The following CPED1 variants were observed in gnomAD, a reference collection of about 807,000 sequenced individuals.
CPED1 encodes cadherin-like and PC-esterase domain-containing protein 1.
CPED1 carries 114 observed loss-of-function variants against 128.2 expected under a neutral mutation model. The observed-to-expected ratio is 0.89, with a 90% CI of 0.76 to 1.04. CPED1 has a LOEUF of 1.04. Ranked by LOEUF, CPED1 falls within the 50% of genes least tolerant of loss-of-function variation. The pLI, the probability that CPED1 is intolerant of heterozygous loss-of-function variation, is 0.00. For missense variants in CPED1, 1,211 were observed against 1,207.1 expected, an observed-to-expected ratio of 1.00 and a Z score of -0.05; for synonymous variants, 462 against 426.7, an observed-to-expected ratio of 1.08 and a Z score of -1.02.
chr7:121,295,336 C>T, intron 22 of CPED1, 104 bp from the exon 23 acceptor site: 1 of 1,360,160 alleles, frequency 7.4e-7, no homozygotes, highest in East Asian at 2.5e-5. Flanking sequence ...GCCCTTTTAG[C>T]AACATCTGTG....
intron 16 of CPED1, among the ~76,000 whole-genome samples, chr7:121,235,487 G>A (rs1798231764): frequency 6.6e-6 from 1 of 152,092 alleles, no homozygotes; most frequent in Admixed American, 6.6e-5. Flanking sequence ...TAGGACAGTT[G>A]AGAATATGAG....
At chr7:121,007,014 G>T (rs1792033413) in intron 2 of CPED1, among the ~76,000 whole-genome samples, 1 of 152,122 alleles carries the variant, frequency 6.6e-6, no homozygotes, top group Non-Finnish European at 1.5e-5. Context: ...GCACAGGAAG[G>T]CTAGAAGTCA....
intron 6 of CPED1, among the ~76,000 whole-genome samples, chr7:121,098,572 A>AC (rs987674366): frequency 2.1e-4 from 32 of 151,368 alleles, no homozygotes; most frequent in Middle Eastern, 3.4e-3. Context: ...TCTATACAAA[A>AC]AATAGAAAAA....
intron 3 of CPED1, among the ~76,000 whole-genome samples, chr7:121,022,709 G>C (rs569672264): frequency 5.2e-4 from 79 of 151,956 alleles, no homozygotes; most frequent in Non-Finnish European, 1.0e-3. Flanking sequence ...GATGCTCTCT[G>C]GTAAAAGTAA....
intron 16 of CPED1, among the ~76,000 whole-genome samples, chr7:121,197,905 T>C (rs6944198): frequency 0.019 from 2,858 of 152,256 alleles, 96 homozygotes; most frequent in African/African-American, 0.065. Context: ...AGCTAGTAGA[T>C]GAAACCAAAT....
At chr7:121,185,673 C>T (rs59433557) in intron 16 of CPED1, among the ~76,000 whole-genome samples, 143 of 152,262 alleles carry the variant, frequency 9.4e-4, no homozygotes, top group African/African-American at 3.3e-3. Context: ...CACTATAATT[C>T]GGGAATGCAA....
At chr7:121,235,104 A>AT (rs754149573) in intron 16 of CPED1, among the ~76,000 whole-genome samples, 7 of 152,086 alleles carry the variant, frequency 4.6e-5, no homozygotes, top group Non-Finnish European at 8.8e-5. Flanking sequence ...ATATAAAAAT[A>AT]TTTTTGCAAA....
At chr7:121,022,886 C>T (rs368566380) in intron 3 of CPED1, among the ~76,000 whole-genome samples, 2 of 151,866 alleles carry the variant, frequency 1.3e-5, no homozygotes, top group East Asian at 1.9e-4. Flanking sequence ...TTTGAAAAAA[C>T]ATATATTATG....
At chr7:121,158,572 T>TA (rs1796342582) in intron 16 of CPED1, among the ~76,000 whole-genome samples, 1 of 152,090 alleles carries the variant, frequency 6.6e-6, no homozygotes, top group Non-Finnish European at 1.5e-5. Context: ...TCATCTTTTT[T>TA]TTTTTTTCTG....
intron 22 of CPED1, among the ~76,000 whole-genome samples, chr7:121,288,607 A>G (rs1792631591): frequency 6.6e-6 from 1 of 151,738 alleles, no homozygotes; most frequent in South Asian, 2.1e-4. Flanking sequence ...CCATTTATGA[A>G]TCACATTTAA....
rs1033044527 is a variant in CPED1 at position 121,241,382 on chromosome 7, A to G, written c.2174-2820A>G. On this transcript the variant is annotated intron_variant, in intron 17 of 22. Transcript: ENST00000310396. The stretch of plus-strand genomic sequence containing the variant: ...AAAAAAAAAAAAAAAAAAAAAAAAA[A>G]AAAGAAATTATAAAACAGAATTGGA... 1.3e-4 allele frequency among the ~76,000 whole-genome samples: 19 copies of G among 147,104 alleles called. 4 individuals are homozygous for G. The highest frequency in any genetic ancestry group is 4.8e-4 in the African/African-American group (19 of 39,914).
intron 5 of CPED1, among the ~76,000 whole-genome samples, chr7:121,071,332 T>A (rs939074998): frequency 1.3e-5 from 2 of 152,110 alleles, no homozygotes; most frequent in African/African-American, 4.8e-5. Context: ...TCACATGGTT[T>A]CCTATACTCC....
At chr7:121,034,353 T>C (rs1050722778) in intron 3 of CPED1, among the ~76,000 whole-genome samples, 1 of 146,868 alleles carries the variant, frequency 6.8e-6, no homozygotes, top group East Asian at 2.1e-4. Context: ...GTTCAAACGA[T>C]CCTCCTGCTT....
At chr7:121,198,124 G>C (rs1490108775) in intron 16 of CPED1, among the ~76,000 whole-genome samples, 1 of 152,114 alleles carries the variant, frequency 6.6e-6, no homozygotes, top group African/African-American at 2.4e-5. Flanking sequence ...GTTGGGGGTA[G>C]CAGTTATTAC....
intron 7 of CPED1, among the ~76,000 whole-genome samples, chr7:121,119,147 T>A (rs1795321826): frequency 6.6e-6 from 1 of 151,924 alleles, no homozygotes; most frequent in African/African-American, 2.4e-5. Context: ...TTTTTTTTTT[T>A]AACTTAGAGC....
At chr7:121,274,541 A>C (rs1327936881) in intron 22 of CPED1, among the ~76,000 whole-genome samples, 1 of 152,114 alleles carries the variant, frequency 6.6e-6, no homozygotes, top group Admixed American at 6.6e-5. Flanking sequence ...TTAATGTTTA[A>C]GCTAAAATAA....
In CPED1 at chr7:121,069,033, A is replaced by T. The variant is rs115765120; in HGVS notation, c.616+4720A>T. ...TGCCCCAGAGGGAGACATTAAATTTATTATACTGGACAAAAATATAAACTT... is the reference window on the plus strand; with the variant it reads ...TGCCCCAGAGGGAGACATTAAATTTTTTATACTGGACAAAAATATAAACTT... On this transcript the variant is annotated intron_variant, in intron 5 of 22. Transcript: ENST00000310396. 5.2e-3 allele frequency among the ~76,000 whole-genome samples: 798 copies of T among 152,196 alleles called. 9 individuals are homozygous for T. The highest frequency in any genetic ancestry group is 0.018 in the African/African-American group (752 of 41,532).
intron 16 of CPED1, among the ~76,000 whole-genome samples, chr7:121,174,534 G>T (rs924211510): frequency 6.6e-6 from 1 of 151,656 alleles, no homozygotes; most frequent in Non-Finnish European, 1.5e-5. Context: ...GATAGTTGTA[G>T]GTGTGCAGTC....
chr7:121,117,077 T>TTTTATATATA (rs377516668), intron 7 of CPED1, among the ~76,000 whole-genome samples: 4 of 128,804 alleles, frequency 3.1e-5, no homozygotes, highest in South Asian at 4.8e-4. Flanking sequence ...TATATACACA[T>TTTTATATATA]TATATATATA....
Sources: allele counts gnomAD v4.1 joint callset (sites outside exome capture counted in the v4.1 genomes callset), GRCh38; gene constraint gnomAD v4.1.1; transcripts MANE v1.5; gene names NCBI Gene and HGNC (gene_info 2026-07-23, HGNC 2026-07-21).